ADGRB1: variants seen among roughly 807,000 people sequenced by gnomAD.
ADGRB1 encodes brain-specific angiogenesis inhibitor 1.
Under a neutral mutation model 175.7 loss-of-function variants are expected in ADGRB1, and 36 were observed. That is an observed-to-expected ratio of 0.20 (90% CI 0.16 to 0.27). The LOEUF (loss-of-function observed/expected upper bound fraction) is 0.27. Among genes scored for constraint, ADGRB1 ranks in the 10% least tolerant of loss-of-function variants. The pLI, the probability that ADGRB1 is intolerant of heterozygous loss-of-function variation, is 1.00. For synonymous variants in ADGRB1, 1,054 were observed against 979.4 expected (o/e 1.08, Z -1.42); for missense variants, 1,731 against 2,255.3 (o/e 0.77, Z 4.71).
rs1841791892 is a variant in ADGRB1, at chr8:142,488,265, G to A, written c.2309-99G>A. ...CATGGGCACCCCGCGGCATCAGCCT[G>A]CACTGCCAGGCCTGCACCTCAACTC... On this transcript the variant is annotated intron_variant, in intron 13 of 30. Transcript: ENST00000517894. 2.0e-6 allele frequency: 3 copies of A among 1,505,354 alleles called. No individual in the cohort carries two copies. The East Asian group carries it at 6.8e-5, about 34-fold the overall frequency. The allele number at this position is 1,505,354 out of a possible 1,614,324, so 93.2% of individuals were successfully genotyped here. A position where few individuals can be genotyped will look rare whatever the true frequency, so the allele number is the denominator to read the frequency against.
In ADGRB1 at chr8:142,500,734, A is replaced by G. The variant is rs1206458887; in HGVS notation, c.2675+9919A>G. Among the ~76,000 whole-genome samples the G allele has an allele frequency of 2.6e-5, 4 of 151,226 alleles. No individual in the cohort carries two copies. The East Asian group carries it at 7.8e-4, about 29-fold the overall frequency. On this transcript the variant is annotated intron_variant, in intron 17 of 30. Transcript: ENST00000517894. ...GCAGGATATGAGGTAGACAAAGGGA[A>G]GGACTTCCACGTGAGCAAGGAGGGC... is the stretch of plus-strand genomic sequence containing the variant.
intron 1 of ADGRB1, among the ~76,000 whole-genome samples, chr8:142,454,702 G>A (rs1839556323): frequency 6.6e-6 from 1 of 152,112 alleles, no homozygotes; most frequent in Admixed American, 6.5e-5. Context: ...TCGGGGTTAA[G>A]GTGAGGATCC....
intron 11 of ADGRB1, 103 bp from the exon 12 acceptor site, chr8:142,483,874 C>CTG: frequency 8.3e-7 from 1 of 1,210,742 alleles, no homozygotes; most frequent in Non-Finnish European, 1.2e-6. Context: ...GTCACATATT[C>CTG]AGCCCTGACC....
In ADGRB1 at chr8:142,542,332, C is replaced by T; in HGVS notation, c.4098C>T (p.Ser1366=). The change falls in exon 28 of 31, where the codon AGC becomes AGT. Residue 1366 remains serine (S), a synonymous_variant. Transcript: ENST00000517894. The surrounding 1 kb of genome is among the most constrained non-coding windows in gnomAD (Gnocchi z 6.3). ...AGCCCAAGGAGGAGCCCAAGTACAG[C>T]ATCCACATTGACCAGATGCCGCAGA... ...RPKPKEEPKY[S]IHIDQMPQTR... The T allele has an allele frequency of 6.2e-7, 1 of 1,610,890 alleles. No individual in the cohort carries two copies.
intron 24 of ADGRB1, among the ~76,000 whole-genome samples, chr8:142,529,469 G>GC (rs1486857402): frequency 1.3e-5 from 2 of 152,138 alleles, no homozygotes; most frequent in African/African-American, 2.4e-5. Flanking sequence ...GTTCTCTGCC[G>GC]CCAGTGCCAC....
chr8:142,459,636 G>A (rs2131644957), intron 1 of ADGRB1, among the ~76,000 whole-genome samples: 1 of 152,344 alleles, frequency 6.6e-6, no homozygotes, highest in Non-Finnish European at 1.5e-5. Flanking sequence ...TGTGCCGCAT[G>A]TGTGTGTTCA....
At chr8:142,539,575 C>T (rs1563754085) in intron 27 of ADGRB1, 162 bp downstream of exon 27, 6 of 871,556 alleles carry the variant, frequency 6.9e-6, no homozygotes, top group Non-Finnish European at 1.1e-5. Context: ...CCCAGGGGAC[C>T]TGCCCTGGGG....
At chr8:142,528,257 T>A (rs1440445598) in intron 24 of ADGRB1, among the ~76,000 whole-genome samples, 1 of 152,208 alleles carries the variant, frequency 6.6e-6, no homozygotes, top group Non-Finnish European at 1.5e-5. Flanking sequence ...CCTCTGGGAA[T>A]TTTGCCGCTT....
At chr8:142,482,694 G>C (rs1378470611) in intron 11 of ADGRB1, among the ~76,000 whole-genome samples, 1 of 148,674 alleles carries the variant, frequency 6.7e-6, no homozygotes, top group African/African-American at 2.5e-5. Context: ...CCCTGGCCCT[G>C]GTCACACACT....
intron 26 of ADGRB1, among the ~76,000 whole-genome samples, chr8:142,538,484 C>T (rs991744504): frequency 9.2e-5 from 14 of 152,230 alleles, no homozygotes; most frequent in African/African-American, 3.4e-4. Flanking sequence ...GCTTCCCCCT[C>T]CCCCAGCGTT....
intron 24 of ADGRB1, among the ~76,000 whole-genome samples, chr8:142,527,843 A>G (rs1844305478): frequency 4.6e-5 from 7 of 152,244 alleles, no homozygotes; most frequent in Admixed American, 4.6e-4. Context: ...CTATGGTTAT[A>G]GTCCCATCTT....
Position 142,541,098 on chromosome 8 carries a change from A to T in ADGRB1, c.3707-843A>T, listed in dbSNP as rs191073921. Among the ~76,000 whole-genome samples the T allele has an allele frequency of 2.2e-4, 33 of 150,234 alleles. No individual in the cohort carries two copies. The South Asian group carries it at 7.1e-3, about 33-fold the overall frequency. On this transcript the variant is annotated intron_variant, in intron 27 of 30. Transcript: ENST00000517894. ...TGCCAGCCTGCATGGGGCAGGACAC[A>T]GGGGGCAGGCCAGGCTTCCCAGGAA...
At chr8:142,512,082 G>C (rs1189546924) in intron 18 of ADGRB1, among the ~76,000 whole-genome samples, 1 of 152,244 alleles carries the variant, frequency 6.6e-6, no homozygotes, top group East Asian at 1.9e-4. Flanking sequence ...TGGCAGCTGG[G>C]GTCTCCCACA....
chr8:142,451,723 G>C (rs1313811336), intron 1 of ADGRB1, among the ~76,000 whole-genome samples: 3 of 152,184 alleles, frequency 2.0e-5, no homozygotes, highest in Admixed American at 1.3e-4. Context: ...GGCGGAGGCG[G>C]GGGAAAGGGG....
At chr8:142,527,719 C>T (rs1403582440) in intron 24 of ADGRB1, among the ~76,000 whole-genome samples, 1 of 152,220 alleles carries the variant, frequency 6.6e-6, no homozygotes, top group African/African-American at 2.4e-5. Context: ...GGCTACACAT[C>T]CAGGGTCTGA....
intron 1 of ADGRB1, among the ~76,000 whole-genome samples, chr8:142,454,800 C>G (rs901345801): frequency 2.6e-5 from 4 of 152,056 alleles, no homozygotes; most frequent in Non-Finnish European, 4.4e-5. Flanking sequence ...TTTTTTCATA[C>G]TAACTCATTT....
At chr8:142,517,343 G>A (rs888371160) in intron 18 of ADGRB1, among the ~76,000 whole-genome samples, 8 of 152,174 alleles carry the variant, frequency 5.3e-5, no homozygotes, top group African/African-American at 1.7e-4. Context: ...ACTTTATTCA[G>A]GTCACCCCGG....
chr8:142,483,570 G>A (rs1202269159), intron 11 of ADGRB1, among the ~76,000 whole-genome samples: 1 of 145,536 alleles, frequency 6.9e-6, no homozygotes, highest in African/African-American at 2.6e-5. Flanking sequence ...ACTGAGCCCT[G>A]GCCCTGGTCA....
intron 16 of ADGRB1, 82 bp from the exon 17 acceptor site, chr8:142,490,690 T>C: frequency 6.8e-7 from 1 of 1,470,600 alleles, no homozygotes. Flanking sequence ...GTAGCACACC[T>C]TTAGGTGGGT....
Sources: allele counts gnomAD v4.1 joint callset (sites outside exome capture counted in the v4.1 genomes callset), GRCh38; gene constraint gnomAD v4.1.1; non-coding constraint Gnocchi (gnomAD v3.1); transcripts MANE v1.5; gene names NCBI Gene and HGNC (gene_info 2026-07-23, HGNC 2026-07-21).